Variants in INPP5D observed in about 807,000 individuals in gnomAD.
INPP5D encodes the protein phosphatidylinositol 3,4,5-trisphosphate 5-phosphatase 1.
INPP5D carries 33 observed loss-of-function variants against 122.9 expected under a neutral mutation model. The ratio of observed to expected loss-of-function variants is 0.27; its 90% CI spans 0.20 to 0.36. The LOEUF (loss-of-function observed/expected upper bound fraction) is 0.36, where lower values mean the gene tolerates loss of function less well. Among genes scored for constraint, INPP5D ranks in the 10% least tolerant of loss-of-function variants. The pLI, the probability that INPP5D is intolerant of heterozygous loss-of-function variation, is 1.00. For synonymous variants in INPP5D, 584 were observed against 576.2 expected (o/e 1.01, Z -0.19); for missense variants, 1,053 against 1,412.7 (o/e 0.75, Z 4.08).
intron 9 of INPP5D, among the ~76,000 whole-genome samples, chr2:233,157,192 T>G (rs1387919867): frequency 6.6e-6 from 1 of 152,180 alleles, no homozygotes; most frequent in Non-Finnish European, 1.5e-5. Flanking sequence ...AAAATGAGGG[T>G]GTAAACCAAG....
intron 2 of INPP5D, among the ~76,000 whole-genome samples, chr2:233,114,349 G>A (rs1692724438): frequency 6.6e-6 from 1 of 152,210 alleles, no homozygotes; most frequent in Non-Finnish European, 1.5e-5. Context: ...GAGAGGAGGT[G>A]GTTAAAGGTT....
At chr2:233,122,568 C>A (rs1020323631) in intron 3 of INPP5D, among the ~76,000 whole-genome samples, 1 of 152,018 alleles carries the variant, frequency 6.6e-6, no homozygotes, top group East Asian at 1.9e-4. Flanking sequence ...TTTGGGAGGC[C>A]GAGGTGGGAG....
chr2:233,185,935 G>A lies in INPP5D; in HGVS notation c.2358+10G>A, dbSNP rs563263990. 1.9e-6 allele frequency: 3 copies of A among 1,588,604 alleles called. No homozygotes were observed. The South Asian group carries it at 3.5e-5, about 18-fold the overall frequency. On this transcript the variant is annotated intron_variant, in intron 21 of 26. Transcript: ENST00000445964. ...TGAGACTCTTCCAAAGGTAATTCTA[G>A]AGCAAGGCATTCCCCAGAGGGAGAT...
chr2:233,134,076 C>G (rs1019467383), intron 5 of INPP5D: 1 of 453,236 alleles, frequency 2.2e-6, no homozygotes. Flanking sequence ...GAAGATGAAT[C>G]TAGGGTGACC....
Position 233,164,780 on chromosome 2 carries a change from T to C in INPP5D, c.1555+356T>C, listed in dbSNP as rs1694286003. 1.3e-5 allele frequency among the ~76,000 whole-genome samples: 2 copies of C among 152,196 alleles called. No individual in the cohort carries two copies. Among genetic ancestry groups the C allele is most frequent in the Admixed American group, 6.5e-5 (1 of 15,276 alleles). ...ACCTAGAAGAGGCATTGGCCAACTTTTGCAGGAAAGGGAAGGGCCTGACAG... is the reference window on the plus strand; with the variant it reads ...ACCTAGAAGAGGCATTGGCCAACTTCTGCAGGAAAGGGAAGGGCCTGACAG... On this transcript the variant is annotated intron_variant, in intron 13 of 26. Transcript: ENST00000445964. This position sits in a 1 kb window ranked among gnomAD's most constrained non-coding sequence, Gnocchi z 4.3.
At chr2:233,077,008 C>T (rs750225399) in intron 1 of INPP5D, among the ~76,000 whole-genome samples, 1 of 152,198 alleles carries the variant, frequency 6.6e-6, no homozygotes, top group Non-Finnish European at 1.5e-5. Flanking sequence ...CAGCTGTCAC[C>T]TTCTAGTGAT....
chr2:233,119,994 C>T (rs935622108), intron 2 of INPP5D, among the ~76,000 whole-genome samples: 12 of 152,334 alleles, frequency 7.9e-5, no homozygotes, highest in South Asian at 6.2e-4. Context: ...GGCCCAGCCA[C>T]GCTCAGGCCA....
chr2:233,066,364 A>G (rs578121843), intron 1 of INPP5D, among the ~76,000 whole-genome samples: 1 of 152,276 alleles, frequency 6.6e-6, no homozygotes, highest in South Asian at 2.1e-4. Context: ...CCAGACATAG[A>G]GTGAGAGGAG....
intron 2 of INPP5D, among the ~76,000 whole-genome samples, chr2:233,086,118 C>CGT (rs1559282177): frequency 2.5e-4 from 27 of 106,034 alleles, no homozygotes; most frequent in African/African-American, 8.8e-4. Flanking sequence ...GATAAGATAG[C>CGT]CTCTTTCTTT....
intron 5 of INPP5D, chr2:233,134,055 T>C: frequency 2.2e-6 from 1 of 455,884 alleles, no homozygotes; most frequent in Non-Finnish European, 4.4e-6. Flanking sequence ...TGATTGGATG[T>C]GGGGTGAAGG....
intron 24 of INPP5D, among the ~76,000 whole-genome samples, chr2:233,195,862 C>T (rs1156477470): frequency 6.6e-6 from 1 of 152,198 alleles, no homozygotes; most frequent in African/African-American, 2.4e-5. Flanking sequence ...CCCAGCTACT[C>T]TGGAGGGCTG....
chr2:233,132,838 T>G (rs1466965620), intron 5 of INPP5D, among the ~76,000 whole-genome samples: 1 of 151,868 alleles, frequency 6.6e-6, no homozygotes, highest in Non-Finnish European at 1.5e-5. Context: ...GGATCTAACA[T>G]CTCAGTGAGG....
In INPP5D at chr2:233,170,652, C is replaced by T; in HGVS notation, c.1900+48C>T. ...GGAGCGGTGGCTCACACCTGTAATCCCAGCACTTTAGGAGGCCGAGGCGGG... is the reference window on the plus strand; with the variant it reads ...GGAGCGGTGGCTCACACCTGTAATCTCAGCACTTTAGGAGGCCGAGGCGGG... On this transcript the variant is annotated intron_variant, in intron 16 of 26. Transcript: ENST00000445964. The surrounding 1 kb of genome is among the most constrained non-coding windows in gnomAD (Gnocchi z 4.5). 6.2e-7 allele frequency: 1 copy of T among 1,601,710 alleles called. No individual in the cohort carries two copies. The highest frequency in any genetic ancestry group is 2.3e-5 in the East Asian group (1 of 44,320).
intron 25 of INPP5D, among the ~76,000 whole-genome samples, chr2:233,203,051 G>A (rs530487802): frequency 3.5e-4 from 53 of 152,220 alleles, no homozygotes; most frequent in South Asian, 1.9e-3. Context: ...TGTGTTAACC[G>A]GGATGTCGGG....
intron 2 of INPP5D, among the ~76,000 whole-genome samples, chr2:233,097,236 TCG>T: frequency 6.6e-6 from 1 of 152,210 alleles, no homozygotes; most frequent in African/African-American, 2.4e-5. Flanking sequence ...ATAGGTTTAA[TCG>T]AGGTGGCTTT....
intron 20 of INPP5D, among the ~76,000 whole-genome samples, chr2:233,184,940 G>C (rs1476285282): frequency 1.3e-5 from 2 of 151,992 alleles, no homozygotes; most frequent in Non-Finnish European, 1.5e-5. Context: ...GGCCCCTCTT[G>C]CTCGTTGGAG....
At position 233,137,853 on chromosome 2, in the gene INPP5D, AATATAT is replaced by A. The variant is rs1160357196; in HGVS notation, c.666-1949_666-1944del. Among the ~76,000 whole-genome samples the A allele has an allele frequency of 4.0e-3, 111 of 27,680 alleles. 2 individuals carry two copies. Among genetic ancestry groups the A allele is most frequent in the South Asian group, 0.014 (7 of 496 alleles). 18.2% of individuals were successfully genotyped at this position (27,680 alleles called of 152,430 possible). ...ATCACAAAAAAAAAAAAAAAAAAAA[AATATAT>A]ATATATATATATATATATATATATA... On this transcript the variant is annotated intron_variant, in intron 5 of 26. Coordinates refer to ENST00000445964, the MANE Select transcript of INPP5D (RefSeq NM_001017915.3).
At chr2:233,099,414 C>T (rs1482077630) in intron 2 of INPP5D, among the ~76,000 whole-genome samples, 2 of 152,228 alleles carry the variant, frequency 1.3e-5, no homozygotes, top group Non-Finnish European at 2.9e-5. Flanking sequence ...CCTCCTGGAT[C>T]CTTATCTGAA....
At chr2:233,180,489 A>T (rs1372091521) in intron 18 of INPP5D, among the ~76,000 whole-genome samples, 1 of 151,988 alleles carries the variant, frequency 6.6e-6, no homozygotes, top group East Asian at 1.9e-4. Context: ...TGCCTCACAC[A>T]GCACTGGACC....
Sources: allele counts gnomAD v4.1 joint callset (sites outside exome capture counted in the v4.1 genomes callset), GRCh38; gene constraint gnomAD v4.1.1; non-coding constraint Gnocchi (gnomAD v3.1); transcripts MANE v1.5; gene names NCBI Gene and HGNC (gene_info 2026-07-23, HGNC 2026-07-21).